Variants in ROBO2 observed in about 807,000 individuals in gnomAD.
ROBO2 encodes the protein roundabout guidance receptor 2, also known as roundabout homolog 2.
A neutral mutation model predicts 160.8 loss-of-function variants in ROBO2; 53 were observed. The ratio of observed to expected loss-of-function variants is 0.33; its 90% CI spans 0.26 to 0.41. The LOEUF (loss-of-function observed/expected upper bound fraction) is 0.41, where lower values mean the gene tolerates loss of function less well. ROBO2 is among the 10% of genes least tolerant of loss of function. ROBO2 has a pLI of 1.00. For missense variants in ROBO2, 1,577 were observed against 1,722.4 expected, an observed-to-expected ratio of 0.92 and a Z score of 1.49; for synonymous variants, 664 against 611.7, an observed-to-expected ratio of 1.09 and a Z score of -1.26.
chr3:76,000,891 GCT>G (rs555076088), intron 2 of ROBO2, among the ~76,000 whole-genome samples: 13 of 151,840 alleles, frequency 8.6e-5, no homozygotes, highest in Non-Finnish European at 1.3e-4. Context: ...TATAGCTTAT[GCT>G]CTCTATCTTT....
At chr3:76,158,128 C>G (rs1354612145) in intron 2 of ROBO2, among the ~76,000 whole-genome samples, 1 of 152,100 alleles carries the variant, frequency 6.6e-6, no homozygotes, top group Non-Finnish European at 1.5e-5. Flanking sequence ...GCCATATGCT[C>G]TCCATCTAGG....
chr3:76,540,327 C>A (rs1333403396), intron 2 of ROBO2, among the ~76,000 whole-genome samples: 1 of 152,076 alleles, frequency 6.6e-6, no homozygotes, highest in African/African-American at 2.4e-5. Context: ...GAGGGTAATG[C>A]TGGATTAAGT....
chr3:76,464,287 C>T (rs2078249986), intron 2 of ROBO2, among the ~76,000 whole-genome samples: 1 of 152,126 alleles, frequency 6.6e-6, no homozygotes, highest in Non-Finnish European at 1.5e-5. Context: ...CTGAGAAGCA[C>T]TGGAAAGGCA....
intron 2 of ROBO2, among the ~76,000 whole-genome samples, chr3:77,213,812 A>G (rs1336297042): frequency 1.3e-5 from 2 of 152,010 alleles, no homozygotes. Flanking sequence ...GAACATCTTT[A>G]TTTCTGCCTT....
chr3:76,827,235 A>G (rs2066669950), intron 2 of ROBO2, among the ~76,000 whole-genome samples: 1 of 152,162 alleles, frequency 6.6e-6, no homozygotes, highest in Non-Finnish European at 1.5e-5. Context: ...GCTCTTTTGG[A>G]CTTAACATAA....
At position 77,411,077 on chromosome 3, in the gene ROBO2, A is replaced by G. The variant is rs143002423; in HGVS notation, c.389-66337A>G. Among the ~76,000 whole-genome samples, 402 of 152,206 alleles carry G rather than the reference A, an allele frequency of 2.6e-3. 3 individuals carry two copies. The highest frequency in any genetic ancestry group is 9.3e-3 in the African/African-American group (386 of 41,536). On this transcript the variant is annotated intron_variant, in intron 2 of 25. Coordinates refer to ENST00000461745, the Ensembl canonical transcript of ROBO2. ...CCACCTCAGCTTCCCCAAAATGCTG[A>G]TATTACAGGCATGAGCTACCACAAA...
At chr3:77,335,581 A>G (rs1244987970) in intron 2 of ROBO2, among the ~76,000 whole-genome samples, 1 of 152,152 alleles carries the variant, frequency 6.6e-6, no homozygotes, top group African/African-American at 2.4e-5. Flanking sequence ...CTTCTTTACA[A>G]TAGACCCCAA....
chr3:76,107,937 T>C (rs925996615), intron 2 of ROBO2, among the ~76,000 whole-genome samples: 34 of 152,128 alleles, frequency 2.2e-4, no homozygotes, highest in African/African-American at 8.2e-4. Context: ...TGCCATTTTA[T>C]GTGAAGGCAT....
chr3:77,470,597 G>A (rs2083258644), intron 2 of ROBO2, among the ~76,000 whole-genome samples: 1 of 152,012 alleles, frequency 6.6e-6, no homozygotes, highest in African/African-American at 2.4e-5. Flanking sequence ...CATAGAACAA[G>A]TTATTTTAAA....
At chr3:76,992,392 A>G (rs908006423) in intron 2 of ROBO2, among the ~76,000 whole-genome samples, 1 of 142,318 alleles carries the variant, frequency 7.0e-6, no homozygotes, top group East Asian at 2.0e-4. Flanking sequence ...GTAAAAAAAA[A>G]GTATATGCAT....
intron 23 of ROBO2, chr3:77,632,637 A>G: frequency 6.5e-7 from 1 of 1,535,308 alleles, no homozygotes; most frequent in South Asian, 1.2e-5. Context: ...GGCTGGATGG[A>G]ACCAGCCTTA....
intron 13 of ROBO2, among the ~76,000 whole-genome samples, chr3:77,568,935 C>A (rs562660191): frequency 6.6e-6 from 1 of 152,134 alleles, no homozygotes; most frequent in Middle Eastern, 3.4e-3. Context: ...TAGCTTCTTT[C>A]ACTCTGCATA....
At chr3:76,484,998 T>C (rs773490962) in intron 2 of ROBO2, among the ~76,000 whole-genome samples, 6 of 152,098 alleles carry the variant, frequency 3.9e-5, no homozygotes, top group Non-Finnish European at 8.8e-5. Context: ...TTATTTAAGC[T>C]AAGTTAATAC....
chr3:76,698,727 A>G (rs2597257), intron 2 of ROBO2, among the ~76,000 whole-genome samples: 54,507 of 152,126 alleles, frequency 0.36, 10,199 homozygotes, highest in East Asian at 0.56. Context: ...GACCACTCCA[A>G]ATTATTTTTA....
intron 2 of ROBO2, among the ~76,000 whole-genome samples, chr3:75,989,741 C>A (rs2065512811): frequency 6.6e-6 from 1 of 152,152 alleles, no homozygotes; most frequent in African/African-American, 2.4e-5. Flanking sequence ...TTGAAGCTGA[C>A]CTGCAAAACT....
intron 2 of ROBO2, among the ~76,000 whole-genome samples, chr3:76,060,036 T>C (rs1463168457): frequency 6.6e-6 from 1 of 152,204 alleles, no homozygotes; most frequent in Admixed American, 6.5e-5. Context: ...AGAGAAACTC[T>C]TTTATATATT....
chr3:76,147,961 A>G (rs1700473548), intron 2 of ROBO2, among the ~76,000 whole-genome samples: 3 of 152,036 alleles, frequency 2.0e-5, no homozygotes, highest in South Asian at 4.1e-4. Flanking sequence ...TCTATAGAAC[A>G]GTTAAGTGGA....
chr3:76,557,322 G>C (rs1272022957), intron 2 of ROBO2, among the ~76,000 whole-genome samples: 1 of 151,954 alleles, frequency 6.6e-6, no homozygotes, highest in Non-Finnish European at 1.5e-5. Context: ...TTGACCTAAA[G>C]ATTGCATCTA....
chr3:76,258,892 G>A (rs1278938956), intron 2 of ROBO2, among the ~76,000 whole-genome samples: 1 of 151,944 alleles, frequency 6.6e-6, no homozygotes, highest in Non-Finnish European at 1.5e-5. Context: ...ATGTAGGCTT[G>A]GAATTTTTCA....
Sources: gnomAD v4.1 joint callset for allele counts (sites outside exome capture counted in the v4.1 genomes callset) on GRCh38, gnomAD v4.1.1 for gene constraint, MANE v1.5 for transcripts, NCBI Gene and HGNC (gene_info 2026-07-23, HGNC 2026-07-21) for gene names.